The following PCDHA4 variants were observed in gnomAD, a reference collection of about 807,000 sequenced individuals.
PCDHA4 encodes protocadherin alpha-4.
Under a neutral mutation model 61.4 loss-of-function variants are expected in PCDHA4, and 49 were observed. The ratio of observed to expected loss-of-function variants is 0.80; its 90% CI spans 0.63 to 1.01. PCDHA4 has a LOEUF of 1.01. Among genes scored for constraint, PCDHA4 ranks in the 50% least tolerant of loss-of-function variants. The pLI is 0.00. For missense variants in PCDHA4, 1,254 were observed against 1,235.8 expected, an observed-to-expected ratio of 1.01 and a Z score of -0.22; for synonymous variants, 590 against 550.3, an observed-to-expected ratio of 1.07 and a Z score of -1.01.
intron 1 of PCDHA4, among the ~76,000 whole-genome samples, chr5:140,962,537 A>G (rs1554226101): frequency 6.6e-6 from 1 of 152,208 alleles, no homozygotes; most frequent in Non-Finnish European, 1.5e-5. Context: ...TTTTAGAACT[A>G]AAAATGTAGA....
At chr5:140,967,214 C>T (rs2096114688) in intron 1 of PCDHA4, 10 of 1,613,692 alleles carry the variant, frequency 6.2e-6, no homozygotes, top group Non-Finnish European at 8.5e-6. Context: ...GCGTTTCCCG[C>T]GGCCCAACTA....
At chr5:140,823,659 C>A in intron 1 of PCDHA4, 1 of 1,613,984 alleles carries the variant, frequency 6.2e-7, no homozygotes, top group Non-Finnish European at 8.5e-7. Context: ...TGTACACAGG[C>A]GAGATCAGCA....
At chr5:140,926,607 C>T (rs887450914) in intron 1 of PCDHA4, 1 of 348,974 alleles carries the variant, frequency 2.9e-6, no homozygotes, top group Non-Finnish European at 5.1e-6. Context: ...GGCCTCGTCT[C>T]TGCACCCCTA....
intron 1 of PCDHA4, among the ~76,000 whole-genome samples, chr5:140,912,269 A>T (rs1463580948): frequency 6.6e-6 from 1 of 151,984 alleles, no homozygotes; most frequent in African/African-American, 2.4e-5. Context: ...ACCCTCACAG[A>T]TATACCCAGG....
chr5:140,831,510 TG>T (rs1269188191), intron 1 of PCDHA4, among the ~76,000 whole-genome samples: 3 of 137,202 alleles, frequency 2.2e-5, no homozygotes, highest in Non-Finnish European at 4.6e-5. Flanking sequence ...AGCACCACCA[TG>T]CCCCCCACCT....
intron 3 of PCDHA4, among the ~76,000 whole-genome samples, chr5:141,008,072 T>C (rs1419103459): frequency 2.0e-5 from 3 of 152,272 alleles, no homozygotes; most frequent in Admixed American, 6.5e-5. Context: ...TAAGAACTTA[T>C]TGGGGTTATT....
rs199990641 is a variant in PCDHA4, at chr5:140,966,961, G to C, written c.2386-11988G>C. On this transcript the variant is annotated intron_variant, in intron 1 of 3. Coordinates refer to ENST00000530339, the MANE Select transcript of PCDHA4 (RefSeq NM_018907.4). ...TCGTGGGCAACGTGGCTCGCGCGCT[G>C]GGGCTTGAGCTGCGGCGCTTGGGGC... The C allele has an allele frequency of 8.7e-6, 14 of 1,603,190 alleles. No individual in the cohort carries two copies. The East Asian group carries it at 2.7e-4, about 31-fold the overall frequency.
intron 1 of PCDHA4, among the ~76,000 whole-genome samples, chr5:140,846,375 T>TG (rs1272448180): frequency 8.0e-6 from 1 of 125,456 alleles, no homozygotes; most frequent in African/African-American, 3.3e-5. Flanking sequence ...CTTTCTTTCT[T>TG]TTTTTTTTTT....
intron 1 of PCDHA4, among the ~76,000 whole-genome samples, chr5:140,888,287 C>G (rs1371852276): frequency 6.6e-6 from 1 of 152,072 alleles, no homozygotes; most frequent in African/African-American, 2.4e-5. Flanking sequence ...CCCCTCTACC[C>G]CCTACCCAGG....
intron 1 of PCDHA4, chr5:140,967,906 C>T (rs529421659): frequency 1.2e-6 from 2 of 1,614,208 alleles, no homozygotes; most frequent in Non-Finnish European, 1.7e-6. Context: ...ATGCTACACC[C>T]AACACCATTG....
At chr5:140,886,690 G>T (rs1321168089) in intron 1 of PCDHA4, among the ~76,000 whole-genome samples, 3 of 151,964 alleles carry the variant, frequency 2.0e-5, no homozygotes, top group African/African-American at 7.2e-5. Flanking sequence ...GCGAGGCATG[G>T]TGGCACGCGC....
At chr5:140,989,839 AGT>A (rs1161936815) in intron 3 of PCDHA4, among the ~76,000 whole-genome samples, 2 of 152,166 alleles carry the variant, frequency 1.3e-5, no homozygotes, top group Non-Finnish European at 2.9e-5. Context: ...CCTGTCAATG[AGT>A]GTGTGGACTG....
At chr5:140,883,470 A>T in intron 1 of PCDHA4, 3 of 1,614,126 alleles carry the variant, frequency 1.9e-6, no homozygotes, top group Non-Finnish European at 1.7e-6. Context: ...GTGTCCACCT[A>T]CAAGAACTAC....
intron 1 of PCDHA4, among the ~76,000 whole-genome samples, chr5:140,913,928 G>A (rs2076511708): frequency 1.3e-5 from 2 of 151,918 alleles, no homozygotes; most frequent in Non-Finnish European, 2.9e-5. Flanking sequence ...CTTCATTGTG[G>A]TCAGAGAAGA....
chr5:140,888,487 ACT>A (rs1486157760), intron 1 of PCDHA4, among the ~76,000 whole-genome samples: 1 of 152,162 alleles, frequency 6.6e-6, no homozygotes, highest in Non-Finnish European at 1.5e-5. Flanking sequence ...CTGTTGAGAA[ACT>A]CTGCTTTAAA....
intron 1 of PCDHA4, among the ~76,000 whole-genome samples, chr5:140,888,659 C>A (rs1373585694): frequency 6.6e-6 from 1 of 152,198 alleles, no homozygotes; most frequent in Non-Finnish European, 1.5e-5. Context: ...AGGACACCAC[C>A]TAATGCCCTG....
At chr5:140,812,889 T>A (rs2150031351) in intron 1 of PCDHA4, 1 of 152,262 alleles carries the variant, frequency 6.6e-6, no homozygotes, top group East Asian at 1.9e-4. Flanking sequence ...TCAAATGAAA[T>A]TTTGAACAGA....
chr5:140,937,197 C>T (rs1228010742), intron 1 of PCDHA4, among the ~76,000 whole-genome samples: 2 of 151,938 alleles, frequency 1.3e-5, no homozygotes, highest in African/African-American at 2.4e-5. Flanking sequence ...GCCACCATGC[C>T]CGGCTAATTT....
intron 1 of PCDHA4, chr5:140,929,046 C>CT (rs1229193922): frequency 6.2e-7 from 1 of 1,614,206 alleles, no homozygotes; most frequent in Non-Finnish European, 8.5e-7. Flanking sequence ...CTCAGAGCTG[C>CT]TGTCGCTCTA....
Sources: allele counts gnomAD v4.1 joint callset (sites outside exome capture counted in the v4.1 genomes callset), GRCh38; gene constraint gnomAD v4.1.1; transcripts MANE v1.5; gene names NCBI Gene and HGNC (gene_info 2026-07-23, HGNC 2026-07-21).